Variants in FRMD6 observed in about 807,000 individuals in gnomAD.
FRMD6 encodes the protein FERM domain-containing protein 6.
FRMD6 carries 37 observed loss-of-function variants against 73.2 expected under a neutral mutation model. That is an observed-to-expected ratio of 0.51 (90% CI 0.39 to 0.66). The LOEUF is 0.66. FRMD6 is among the 30% of genes least tolerant of loss of function. FRMD6 has a pLI of 0.00. For synonymous variants in FRMD6, 273 were observed against 282.2 expected (o/e 0.97, Z 0.33); for missense variants, 714 against 780.5 (o/e 0.91, Z 1.02).
At chr14:51,701,247 C>A in intron 4 of FRMD6, 88 bp downstream of exon 4, 4 of 661,262 alleles carry the variant, frequency 6.0e-6, no homozygotes, top group Non-Finnish European at 1.0e-5. Context: ...AAACTGTAAG[C>A]AATACTTTAT....
chr14:51,459,654 C>T, the FRMD6 span, among the ~76,000 whole-genome samples: 1 of 151,750 alleles, frequency 6.6e-6, no homozygotes, highest in African/African-American at 2.4e-5. Context: ...GGCGAAACCC[C>T]GTCTCCACTA....
intron 2 of FRMD6, among the ~76,000 whole-genome samples, chr14:51,573,187 G>C (rs1049025584): frequency 2.0e-5 from 3 of 152,208 alleles, no homozygotes; most frequent in Non-Finnish European, 4.4e-5. Context: ...GAGGATAAAG[G>C]GGGGTTATGC....
the FRMD6 span, among the ~76,000 whole-genome samples, chr14:51,416,573 C>T: frequency 6.6e-6 from 1 of 152,094 alleles, no homozygotes; most frequent in Non-Finnish European, 1.5e-5. Context: ...TTACTTCCAA[C>T]TATGTGGTCA....
rs147967633 is a variant in FRMD6 at position 51,602,271 on chromosome 14, G to A, written c.-147+31861G>A. Among the ~76,000 whole-genome samples the A allele has an allele frequency of 4.6e-3, 708 of 152,274 alleles. 5 individuals carry two copies. The highest frequency in any genetic ancestry group is 0.016 in the African/African-American group (653 of 41,548). On this transcript the variant is annotated intron_variant, in intron 2 of 14. Coordinates refer to the FRMD6 transcript ENST00000356218. Reference sequence around the variant, plus strand: ...TTGGGGTAATCAGGAGTGTATGTCCGTGTATGTGTGTGTGTAAATCCAGGA... The same window carrying A: ...TTGGGGTAATCAGGAGTGTATGTCCATGTATGTGTGTGTGTAAATCCAGGA...
chr14:51,565,931 G>A (rs1336609000), intron 1 of FRMD6, among the ~76,000 whole-genome samples: 2 of 152,152 alleles, frequency 1.3e-5, no homozygotes, highest in East Asian at 1.9e-4. Context: ...TTGGGAGGCC[G>A]AGGCGGGCAG....
At chr14:51,611,379 C>T (rs1376363729) in intron 2 of FRMD6, among the ~76,000 whole-genome samples, 1 of 152,120 alleles carries the variant, frequency 6.6e-6, no homozygotes, top group Non-Finnish European at 1.5e-5. Context: ...GATTCTGTTC[C>T]TTCTTCCATG....
intron 1 of FRMD6, among the ~76,000 whole-genome samples, chr14:51,526,417 C>A (rs1885260756): frequency 1.3e-5 from 2 of 152,034 alleles, no homozygotes; most frequent in African/African-American, 4.8e-5. Context: ...CAGGAGAATC[C>A]CCCAATCAAT....
At chr14:51,652,489 C>T (rs542571672) in intron 1 of FRMD6, among the ~76,000 whole-genome samples, 1 of 152,326 alleles carries the variant, frequency 6.6e-6, no homozygotes, top group Admixed American at 6.5e-5. Flanking sequence ...GGGACTAGCA[C>T]CCGAGTCCCG....
At chr14:51,642,213 T>C (rs1182119001) in intron 2 of FRMD6, among the ~76,000 whole-genome samples, 2 of 151,978 alleles carry the variant, frequency 1.3e-5, no homozygotes, top group African/African-American at 4.8e-5. Flanking sequence ...GAGAGAGGGT[T>C]TTCAACATCT....
intron 1 of FRMD6, among the ~76,000 whole-genome samples, chr14:51,655,386 G>T (rs531838386): frequency 4.8e-4 from 73 of 152,170 alleles, no homozygotes; most frequent in Non-Finnish European, 8.2e-4. Flanking sequence ...GAATGGGAAA[G>T]ATTTAGTGAA....
At chr14:51,398,700 A>G in the FRMD6 span, among the ~76,000 whole-genome samples, 10 of 152,300 alleles carry the variant, frequency 6.6e-5, no homozygotes, top group East Asian at 1.9e-3. Flanking sequence ...TCAAAAAATT[A>G]CACCCTGATA....
At chr14:51,541,953 T>A (rs1371829833) in intron 1 of FRMD6, among the ~76,000 whole-genome samples, 1 of 152,030 alleles carries the variant, frequency 6.6e-6, no homozygotes, top group African/African-American at 2.4e-5. Flanking sequence ...AAGGTTTTTA[T>A]CATGGAAGTA....
intron 10 of FRMD6, among the ~76,000 whole-genome samples, chr14:51,718,905 C>T (rs971640098): frequency 6.6e-6 from 1 of 152,064 alleles, no homozygotes; most frequent in African/African-American, 2.4e-5. Flanking sequence ...ATTATACTTC[C>T]GAGCTGGATT....
At chr14:51,467,770 G>A in the FRMD6 span, among the ~76,000 whole-genome samples, 1 of 151,782 alleles carries the variant, frequency 6.6e-6, no homozygotes, top group South Asian at 2.1e-4. Flanking sequence ...TCCTAGACGG[G>A]ATGACGGCCA....
chr14:51,469,811 A>G, the FRMD6 span, among the ~76,000 whole-genome samples: 3 of 151,948 alleles, frequency 2.0e-5, no homozygotes, highest in Admixed American at 2.0e-4. Context: ...TATTCTTTTT[A>G]TATTCTGAAA....
intron 2 of FRMD6, among the ~76,000 whole-genome samples, chr14:51,641,579 C>T (rs1465940084): frequency 2.6e-5 from 4 of 151,978 alleles, no homozygotes; most frequent in African/African-American, 9.7e-5. Context: ...AAACTGAGTC[C>T]AAATATCTCA....
intron 1 of FRMD6, among the ~76,000 whole-genome samples, chr14:51,532,261 C>T (rs766196652): frequency 2.0e-5 from 3 of 149,688 alleles, no homozygotes; most frequent in African/African-American, 2.5e-5. Flanking sequence ...CCCAGCTACT[C>T]GGGAGGATGA....
At chr14:51,703,162 A>G (rs532862409) in intron 5 of FRMD6, among the ~76,000 whole-genome samples, 5 of 152,172 alleles carry the variant, frequency 3.3e-5, no homozygotes, top group African/African-American at 1.2e-4. Flanking sequence ...AGGGCAGGTA[A>G]TTGATTCTTT....
intron 2 of FRMD6, among the ~76,000 whole-genome samples, chr14:51,691,686 C>T (rs1353671980): frequency 1.4e-5 from 2 of 145,742 alleles, no homozygotes; most frequent in Non-Finnish European, 3.0e-5. Context: ...TCTCTGCCTT[C>T]CAGCTTCAAG....
Sources: allele counts gnomAD v4.1 joint callset (sites outside exome capture counted in the v4.1 genomes callset), GRCh38; gene constraint gnomAD v4.1.1; transcripts MANE v1.5; gene names NCBI Gene and HGNC (gene_info 2026-07-23, HGNC 2026-07-21).